The following LDLRAP1 variants were observed in gnomAD, a reference collection of about 807,000 sequenced individuals.
LDLRAP1 encodes the protein low density lipoprotein receptor adaptor protein 1, also known as low density lipoprotein receptor adapter protein 1.
A neutral mutation model predicts 37.8 loss-of-function variants in LDLRAP1; 30 were observed. The observed-to-expected ratio is 0.79, with a 90% CI of 0.59 to 1.08. The LOEUF is 1.08. Ranked by LOEUF, LDLRAP1 falls within the 50% of genes least tolerant of loss-of-function variation. The pLI, the probability that LDLRAP1 is intolerant of heterozygous loss-of-function variation, is 0.00. For synonymous variants in LDLRAP1, 156 were observed against 169.8 expected (o/e 0.92, Z 0.63); for missense variants, 375 against 401.6 (o/e 0.93, Z 0.57).
intron 4 of LDLRAP1, among the ~76,000 whole-genome samples, chr1:25,562,083 C>T (rs1180206182): frequency 6.6e-6 from 1 of 152,168 alleles, no homozygotes; most frequent in Non-Finnish European, 1.5e-5. Flanking sequence ...TGACATCTTG[C>T]TCCTATCAGG....
the LDLRAP1 span, among the ~76,000 whole-genome samples, chr1:25,585,224 C>T: frequency 1.3e-5 from 2 of 152,180 alleles, no homozygotes; most frequent in African/African-American, 4.8e-5. Flanking sequence ...CTGATTATCT[C>T]TCTTTTGTAG....
chr1:25,575,149 C>T, the LDLRAP1 span, among the ~76,000 whole-genome samples: 3 of 152,144 alleles, frequency 2.0e-5, no homozygotes, highest in Non-Finnish European at 2.9e-5. Flanking sequence ...TCTCACTACC[C>T]GGGTGGGAAG....
intron 1 of LDLRAP1, among the ~76,000 whole-genome samples, chr1:25,551,701 G>A (rs1481969275): frequency 2.0e-5 from 3 of 152,144 alleles, no homozygotes; most frequent in African/African-American, 7.2e-5. Context: ...GCTTGTGGTT[G>A]ATGGGACAGA....
intron 1 of LDLRAP1, among the ~76,000 whole-genome samples, chr1:25,552,273 C>T (rs1402040107): frequency 6.6e-6 from 1 of 152,240 alleles, no homozygotes; most frequent in Admixed American, 6.5e-5. Context: ...GGGCCCACAT[C>T]CCTGCCAGAG....
At chr1:25,543,989 G>T (rs1173213666) in intron 1 of LDLRAP1, among the ~76,000 whole-genome samples, 2 of 152,120 alleles carry the variant, frequency 1.3e-5, no homozygotes, top group East Asian at 3.9e-4. Flanking sequence ...GCTCGATGCC[G>T]CTGCGAGGAG....
chr1:25,552,776 G>A (rs1432003597), intron 1 of LDLRAP1, among the ~76,000 whole-genome samples: 4 of 152,200 alleles, frequency 2.6e-5, no homozygotes, highest in Non-Finnish European at 5.9e-5. Flanking sequence ...CCTACGTGGT[G>A]GGGCGCTCTT....
At chr1:25,579,736 A>G in the LDLRAP1 span, among the ~76,000 whole-genome samples, 1 of 152,206 alleles carries the variant, frequency 6.6e-6, no homozygotes, top group African/African-American at 2.4e-5. Flanking sequence ...CTCTGCCTTC[A>G]ATGGCACTTT....
intron 1 of LDLRAP1, chr1:25,553,227 C>T (rs912871296): frequency 6.5e-6 from 1 of 152,728 alleles, no homozygotes; most frequent in African/African-American, 2.4e-5. Flanking sequence ...CCTCCCTGAG[C>T]CTCAGTCTCC....
At chr1:25,586,489 CGTGTGT>C in the LDLRAP1 span, among the ~76,000 whole-genome samples, 412 of 151,710 alleles carry the variant, frequency 2.7e-3, 4 homozygotes, top group Admixed American at 0.018. The surrounding 1 kb of genome is among the most constrained non-coding windows in gnomAD (Gnocchi z 4.3). Flanking sequence ...CGTGCGTGTG[CGTGTGT>C]GTGTGTGCAT....
chr1:25,566,742 C>T (rs2044491305), intron 8 of LDLRAP1, 106 bp from the exon 9 acceptor site: 11 of 1,407,770 alleles, frequency 7.8e-6, no homozygotes, highest in Middle Eastern at 1.8e-4. Context: ...GGGCTTCCTT[C>T]TTGGGCCATG....
At chr1:25,545,135 C>T (rs1490480618) in intron 1 of LDLRAP1, among the ~76,000 whole-genome samples, 1 of 152,210 alleles carries the variant, frequency 6.6e-6, no homozygotes, top group South Asian at 2.1e-4. Context: ...AAAATAGACC[C>T]TTTAAAAACT....
chr1:25,563,612 G>C, intron 6 of LDLRAP1, 49 bp from the exon 7 acceptor site: 1 of 1,609,220 alleles, frequency 6.2e-7, no homozygotes, highest in Non-Finnish European at 8.5e-7. Context: ...AGGGGGCCAG[G>C]AAGGAAGAGG....
At chr1:25,581,174 C>T in the LDLRAP1 span, among the ~76,000 whole-genome samples, 14 of 152,144 alleles carry the variant, frequency 9.2e-5, no homozygotes, top group Admixed American at 3.3e-4. Context: ...TGTTCTCTGC[C>T]GGGCCTCAGC....
intron 7 of LDLRAP1, 163 bp from the exon 8 acceptor site, chr1:25,565,010 C>T (rs1156928077): frequency 4.3e-5 from 31 of 727,582 alleles, no homozygotes; most frequent in Non-Finnish European, 6.4e-5. Context: ...GAGATGCTGG[C>T]GATGCACCCA....
chr1:25,558,015 C>T (rs1311247999), intron 4 of LDLRAP1, among the ~76,000 whole-genome samples: 2 of 152,106 alleles, frequency 1.3e-5, no homozygotes, highest in African/African-American at 4.8e-5. Context: ...TTCAGAGCTC[C>T]TTGTCTCATT....
the LDLRAP1 span, among the ~76,000 whole-genome samples, chr1:25,585,387 A>G: frequency 3.3e-5 from 5 of 150,628 alleles, no homozygotes; most frequent in Admixed American, 1.3e-4. Flanking sequence ...GTGCAGTGGC[A>G]CGACCTCGGC....
At chr1:25,563,836 C>G (rs753532600) in intron 7 of LDLRAP1, 45 bp downstream of exon 7, 10 of 1,611,088 alleles carry the variant, frequency 6.2e-6, no homozygotes, top group Non-Finnish European at 3.4e-6. Flanking sequence ...TCAGCCTGAC[C>G]TCTGGGTGAG....
chr1:25,553,061 C>G (rs1194770026), intron 1 of LDLRAP1, among the ~76,000 whole-genome samples: 1 of 152,050 alleles, frequency 6.6e-6, no homozygotes, highest in Non-Finnish European at 1.5e-5. Flanking sequence ...CCCTTCCCTG[C>G]TCTCCCTGGG....
the LDLRAP1 span, among the ~76,000 whole-genome samples, chr1:25,580,944 C>T: frequency 1.3e-5 from 2 of 152,272 alleles, no homozygotes; most frequent in South Asian, 2.1e-4. Flanking sequence ...CCATGAATCC[C>T]GGAAGGCTCA....
Sources: allele counts gnomAD v4.1 joint callset (sites outside exome capture counted in the v4.1 genomes callset), GRCh38; gene constraint gnomAD v4.1.1; non-coding constraint Gnocchi (gnomAD v3.1); transcripts MANE v1.5; gene names NCBI Gene and HGNC (gene_info 2026-07-23, HGNC 2026-07-21).